The following NR2F1-AS1 variants were observed in gnomAD, a reference collection of about 807,000 sequenced individuals.
The protein encoded by NR2F1-AS1 is NR2F1 antisense RNA 1.
At position 93,442,960 on chromosome 5, in the gene NR2F1-AS1, C is replaced by G. The variant is rs185394781; in HGVS notation, n.639-47418G>C. Among the ~76,000 whole-genome samples the G allele has an allele frequency of 1.8e-4, 27 of 152,370 alleles. No homozygotes were observed. The Middle Eastern group carries it at 0.014, about 77-fold the overall frequency. ...GGAGTGGACCTCCAGCAAACTCCAA[C>G]AGACCTGCAGCTGAGGGTCCTCACT... On this transcript the variant is annotated intron_variant and non_coding_transcript_variant, in intron 4 of 5. Coordinates refer to ENST00000660523, the Ensembl canonical transcript of NR2F1-AS1.
chr5:93,427,888 G>C (rs553564077), intron 4 of NR2F1-AS1, among the ~76,000 whole-genome samples: 1 of 151,868 alleles, frequency 6.6e-6, no homozygotes, highest in African/African-American at 2.4e-5. Flanking sequence ...CCCATTATGA[G>C]AGCATACATG....
chr5:93,454,236 G>C (rs1278475261), intron 4 of NR2F1-AS1, among the ~76,000 whole-genome samples: 2 of 152,036 alleles, frequency 1.3e-5, no homozygotes, highest in African/African-American at 4.8e-5. Context: ...AGACATGATT[G>C]CACCACTGCA....
chr5:93,413,296 T>C (rs181231106), intron 4 of NR2F1-AS1, among the ~76,000 whole-genome samples: 1 of 151,784 alleles, frequency 6.6e-6, no homozygotes, highest in East Asian at 1.9e-4. Context: ...ATCTTCTCCT[T>C]ACCCCTACCC....
chr5:93,538,612 A>T (rs1751888184), intron 4 of NR2F1-AS1, among the ~76,000 whole-genome samples: 1 of 152,252 alleles, frequency 6.6e-6, no homozygotes, highest in Non-Finnish European at 1.5e-5. Flanking sequence ...CAGTTGTAGG[A>T]AATACTTCTT....
At chr5:93,446,284 T>C (rs1749704676) in intron 4 of NR2F1-AS1, among the ~76,000 whole-genome samples, 1 of 152,304 alleles carries the variant, frequency 6.6e-6, no homozygotes, top group East Asian at 1.9e-4. Context: ...GATGACATGA[T>C]TATATATTTA....
intron 1 of NR2F1-AS1, among the ~76,000 whole-genome samples, chr5:93,577,951 G>T (rs186126965): frequency 1.3e-4 from 20 of 152,236 alleles, no homozygotes; most frequent in Admixed American, 1.1e-3. Context: ...GGGTCCCATG[G>T]CTCTTGAACT....
chr5:93,487,501 T>C (rs555398321), intron 4 of NR2F1-AS1, among the ~76,000 whole-genome samples: 2 of 152,016 alleles, frequency 1.3e-5, no homozygotes, highest in African/African-American at 4.8e-5. Context: ...CAATTGCTAC[T>C]AAGAGAATAA....
chr5:93,463,541 C>A (rs1306481997), intron 4 of NR2F1-AS1, among the ~76,000 whole-genome samples: 2 of 152,122 alleles, frequency 1.3e-5, no homozygotes, highest in Non-Finnish European at 2.9e-5. Flanking sequence ...CTCCAGGCCC[C>A]AGAGTGGTAG....
At chr5:93,472,396 G>C (rs778653153) in intron 4 of NR2F1-AS1, among the ~76,000 whole-genome samples, 1 of 151,676 alleles carries the variant, frequency 6.6e-6, no homozygotes, top group Non-Finnish European at 1.5e-5. Flanking sequence ...TCTTGTGCCA[G>C]GAAATAGTAG....
chr5:93,513,034 A>G (rs776886362), intron 4 of NR2F1-AS1, among the ~76,000 whole-genome samples: 15 of 152,276 alleles, frequency 9.9e-5, no homozygotes, highest in Non-Finnish European at 1.9e-4. Flanking sequence ...TCCTGTAGAC[A>G]TACAAGCAGC....
Position 93,579,051 on chromosome 5 carries a change from T to G in NR2F1-AS1, n.313+1416A>C, listed in dbSNP as rs1752959806. Among the ~76,000 whole-genome samples, 1 of 152,180 alleles carries G rather than the reference T, an allele frequency of 6.6e-6. No individual in the cohort carries two copies. Among genetic ancestry groups the G allele is most frequent in the Non-Finnish European group, 1.5e-5 (1 of 68,042 alleles). ...GGCTATGAGCACAAGTGGGGCGCCCTGTGGGTGTGCAACCGCGGTCGGGGA... is the reference window on the plus strand; with the variant it reads ...GGCTATGAGCACAAGTGGGGCGCCCGGTGGGTGTGCAACCGCGGTCGGGGA... On this transcript the variant is annotated intron_variant and non_coding_transcript_variant, in intron 1 of 5. Transcript: ENST00000660523. This position sits in a 1 kb window ranked among gnomAD's most constrained non-coding sequence, Gnocchi z 5.1.
intron 4 of NR2F1-AS1, among the ~76,000 whole-genome samples, chr5:93,465,841 G>A (rs965870822): frequency 6.7e-6 from 1 of 149,704 alleles, no homozygotes; most frequent in African/African-American, 2.5e-5. Flanking sequence ...ACCAAACACT[G>A]CATGTTCTCA....
intron 4 of NR2F1-AS1, among the ~76,000 whole-genome samples, chr5:93,462,329 C>G (rs953333297): frequency 6.6e-6 from 1 of 152,170 alleles, no homozygotes; most frequent in Non-Finnish European, 1.5e-5. Context: ...GCTCTCTTCT[C>G]TTGTCCACCA....
chr5:93,461,039 T>G (rs1750079347), intron 4 of NR2F1-AS1, among the ~76,000 whole-genome samples: 1 of 152,248 alleles, frequency 6.6e-6, no homozygotes, highest in Non-Finnish European at 1.5e-5. Context: ...CATGCATATG[T>G]TCATTGCAGC....
intron 4 of NR2F1-AS1, among the ~76,000 whole-genome samples, chr5:93,548,986 G>C (rs1001452630): frequency 4.6e-5 from 7 of 152,018 alleles, no homozygotes; most frequent in Admixed American, 6.6e-5. Context: ...CATATTTGGA[G>C]GATTAATAGT....
At chr5:93,430,821 C>T (rs1386754466) in intron 4 of NR2F1-AS1, among the ~76,000 whole-genome samples, 1 of 146,614 alleles carries the variant, frequency 6.8e-6, no homozygotes, top group Non-Finnish European at 1.5e-5. Context: ...GAATCCAATT[C>T]CTCAGGAGCC....
At chr5:93,566,963 C>T (rs1367421959) in intron 1 of NR2F1-AS1, among the ~76,000 whole-genome samples, 3 of 151,798 alleles carry the variant, frequency 2.0e-5, no homozygotes, top group Non-Finnish European at 4.4e-5. Flanking sequence ...TTAGAGAAAA[C>T]CTTATTATAC....
At chr5:93,526,294 T>C (rs1446304927) in intron 4 of NR2F1-AS1, among the ~76,000 whole-genome samples, 1 of 148,674 alleles carries the variant, frequency 6.7e-6, no homozygotes, top group Non-Finnish European at 1.5e-5. Flanking sequence ...CCTCCCAATA[T>C]GAAGAAGTGG....
intron 4 of NR2F1-AS1, among the ~76,000 whole-genome samples, chr5:93,523,645 C>T (rs182392788): frequency 2.0e-5 from 3 of 152,258 alleles, no homozygotes; most frequent in African/African-American, 7.2e-5. Flanking sequence ...GACGAAGCTT[C>T]CAGAGGAAAG....
Sources: gnomAD v4.1 joint callset for allele counts (sites outside exome capture counted in the v4.1 genomes callset) on GRCh38, gnomAD v4.1.1 for gene constraint, Gnocchi (gnomAD v3.1) non-coding constraint, MANE v1.5 for transcripts, NCBI Gene and HGNC (gene_info 2026-07-23, HGNC 2026-07-21) for gene names.